The following TTLL11 variants were observed in gnomAD, a reference collection of about 807,000 sequenced individuals.
TTLL11 encodes tubulin polyglutamylase TTLL11.
TTLL11 carries 42 observed loss-of-function variants against 51.7 expected under a neutral mutation model. The observed-to-expected ratio is 0.81, with a 90% CI of 0.64 to 1.05. The LOEUF is 1.05. Among genes scored for constraint, TTLL11 ranks in the 50% least tolerant of loss-of-function variants. TTLL11 has a pLI of 0.00. For missense variants in TTLL11, 799 were observed against 940.4 expected, an observed-to-expected ratio of 0.85 and a Z score of 1.97; for synonymous variants, 381 against 383.5, an observed-to-expected ratio of 0.99 and a Z score of 0.08.
At chr9:122,064,646 T>G (rs1845526353) in intron 1 of TTLL11, among the ~76,000 whole-genome samples, 1 of 152,196 alleles carries the variant, frequency 6.6e-6, no homozygotes, top group Non-Finnish European at 1.5e-5. Context: ...TGGTTTCTGC[T>G]TTTGTTGAGC....
chr9:122,052,389 C>A (rs1208779554), intron 1 of TTLL11, among the ~76,000 whole-genome samples: 1 of 152,340 alleles, frequency 6.6e-6, no homozygotes, highest in East Asian at 1.9e-4. Flanking sequence ...TTGGATGGGG[C>A]TGGTGGGGAA....
rs529510795 is a variant in TTLL11, at chr9:121,866,199, C to A, written c.1733+4298G>T. 7.9e-5 allele frequency among the ~76,000 whole-genome samples: 12 copies of A among 152,200 alleles called. No individual in the cohort carries two copies. The South Asian group carries it at 2.5e-3, about 32-fold the overall frequency. ...TTAATATTATTAATTCATAATGAAG[C>A]AAAATTTAAACCAAAGTGGAACAGA... On this transcript the variant is annotated intron_variant, in intron 7 of 8. Coordinates refer to ENST00000321582, the MANE Select transcript of TTLL11 (RefSeq NM_001139442.2).
intron 8 of TTLL11, among the ~76,000 whole-genome samples, chr9:121,836,870 C>A (rs1056846403): frequency 6.6e-6 from 1 of 152,174 alleles, no homozygotes; most frequent in Non-Finnish European, 1.5e-5. Context: ...AGTGAAGGTC[C>A]TGTTTCCCTC....
At chr9:121,851,413 G>A (rs1295511269) in intron 8 of TTLL11, among the ~76,000 whole-genome samples, 1 of 152,174 alleles carries the variant, frequency 6.6e-6, no homozygotes, top group Non-Finnish European at 1.5e-5. Flanking sequence ...TGTGTGCATG[G>A]GAATGGGAGA....
At chr9:121,976,178 T>A (rs1359348523) in intron 4 of TTLL11, among the ~76,000 whole-genome samples, 1 of 152,192 alleles carries the variant, frequency 6.6e-6, no homozygotes, top group African/African-American at 2.4e-5. Flanking sequence ...GTGACACCCC[T>A]GCACAGGTGG....
chr9:121,943,239 C>G (rs1395674169), intron 6 of TTLL11, among the ~76,000 whole-genome samples: 2 of 152,170 alleles, frequency 1.3e-5, no homozygotes, highest in Non-Finnish European at 2.9e-5. Context: ...GGACATGAGC[C>G]TGGTGACAGT....
intron 3 of TTLL11, among the ~76,000 whole-genome samples, chr9:122,005,669 A>C (rs1014275079): frequency 6.6e-6 from 1 of 152,238 alleles, no homozygotes; most frequent in Non-Finnish European, 1.5e-5. Context: ...ATTAAACATA[A>C]TTCTGGAATG....
chr9:121,978,793 C>T (rs1192810644), intron 4 of TTLL11, among the ~76,000 whole-genome samples: 1 of 152,146 alleles, frequency 6.6e-6, no homozygotes, highest in Non-Finnish European at 1.5e-5. Flanking sequence ...TACATCCTAA[C>T]AGCAGTGGTT....
chr9:121,928,616 A>G (rs1216584557), intron 6 of TTLL11, among the ~76,000 whole-genome samples: 2 of 151,758 alleles, frequency 1.3e-5, no homozygotes, highest in Non-Finnish European at 2.9e-5. Context: ...AATTTTTTGT[A>G]TTTTAGTAGA....
At position 121,853,522 on chromosome 9, in the gene TTLL11, TGAG is replaced by T. The variant is rs1282999426; in HGVS notation, c.1840+6812_1840+6814del. Reference sequence around the variant, plus strand: ...GCTGGAGTGAGTGTGAGGCTAGTGATGAGTGGGGATGCAGAGTGGACAGGGGTC... The same window carrying T: ...GCTGGAGTGAGTGTGAGGCTAGTGATTGGGGATGCAGAGTGGACAGGGGTC... On this transcript the variant is annotated intron_variant, in intron 8 of 8. Coordinates refer to ENST00000321582, the MANE Select transcript of TTLL11 (RefSeq NM_001139442.2). This position sits in a 1 kb window ranked among gnomAD's most constrained non-coding sequence, Gnocchi z 5.6. 2.0e-5 allele frequency among the ~76,000 whole-genome samples: 3 copies of T among 151,786 alleles called. No individual in the cohort carries two copies. The highest frequency in any genetic ancestry group is 4.4e-5 in the Non-Finnish European group (3 of 67,940).
Position 122,092,826 on chromosome 9 carries a change from T to A in TTLL11, c.323A>T (p.Lys108Met). 6.4e-7 allele frequency: 1 copy of A among 1,557,110 alleles called. No individual in the cohort carries two copies. Among genetic ancestry groups the A allele is most frequent in the Non-Finnish European group, 8.6e-7 (1 of 1,158,484 alleles). The change falls in exon 1 of 9, where the codon AAG becomes ATG. Residue 108 changes from lysine to methionine, a missense_variant. Physicochemically the swap from Lys to Met is moderately conservative, Grantham distance 95 (BLOSUM62 -1). Coordinates refer to ENST00000321582, the MANE Select transcript of TTLL11 (RefSeq NM_001139442.2). Reference protein sequence around the residue: ...GLCPHGKPRDKGRSCKRSSGH... With the variant: ...GLCPHGKPRDMGRSCKRSSGH... ...CGAGCTCCGCTTGCAGCTTCGGCCC[T>A]TGTCCCGGGGCTTCCCGTGCGGGCA... is the stretch of plus-strand genomic sequence containing the variant.
intron 1 of TTLL11, among the ~76,000 whole-genome samples, chr9:122,089,147 G>A (rs908025452): frequency 1.3e-5 from 2 of 151,982 alleles, no homozygotes; most frequent in Non-Finnish European, 2.9e-5. Context: ...TCCTCACTAT[G>A]CACCCATAAA....
intron 8 of TTLL11, among the ~76,000 whole-genome samples, chr9:121,834,829 G>GA (rs201992639): frequency 0.043 from 6,033 of 141,102 alleles, 142 homozygotes; most frequent in Middle Eastern, 0.098. Context: ...TCTGTCTCAG[G>GA]AAAAAAAAAA....
chr9:121,995,898 C>A lies in TTLL11; in HGVS notation c.694-6128G>T, dbSNP rs1843243900. Reference sequence around the variant, plus strand: ...ACTGGAGCACAGGTATCCGAACAGACCTCTCAAGCTCCGTGGTGAGCGCGG... The same window carrying A: ...ACTGGAGCACAGGTATCCGAACAGAACTCTCAAGCTCCGTGGTGAGCGCGG... On this transcript the variant is annotated intron_variant, in intron 3 of 8. Coordinates refer to ENST00000321582, the MANE Select transcript of TTLL11 (RefSeq NM_001139442.2). This position sits in a 1 kb window ranked among gnomAD's most constrained non-coding sequence, Gnocchi z 4.4. 1.3e-5 allele frequency among the ~76,000 whole-genome samples: 2 copies of A among 152,188 alleles called. No individual in the cohort carries two copies. The highest frequency in any genetic ancestry group is 2.9e-5 in the Non-Finnish European group (2 of 68,036).
intron 3 of TTLL11, among the ~76,000 whole-genome samples, chr9:122,014,887 A>T (rs554505496): frequency 1.1e-4 from 17 of 152,292 alleles, no homozygotes; most frequent in Admixed American, 3.3e-4. Context: ...TCTACCAGAA[A>T]TCCTGAGGGC....
intron 3 of TTLL11, among the ~76,000 whole-genome samples, chr9:122,007,371 A>C (rs1370848133): frequency 5.9e-5 from 9 of 151,686 alleles, no homozygotes; most frequent in Admixed American, 5.9e-4. Context: ...CGCCTGTAGG[A>C]GGCTGAGGCA....
intron 7 of TTLL11, among the ~76,000 whole-genome samples, chr9:121,862,492 A>G (rs1838042739): frequency 6.6e-6 from 1 of 152,112 alleles, no homozygotes; most frequent in Non-Finnish European, 1.5e-5. Flanking sequence ...CTCTAGATCT[A>G]GAGCCATCTC....
Position 122,092,766 on chromosome 9 carries a change from G to C in TTLL11, c.383C>G (p.Pro128Arg). ...HGSGENGSQR[P>R]VTVDSSKART... ...GGCCTTGGAGCTGTCCACGGTGACC[G>C]GCCGCTGGGAGCCGTTCTCGCCGGA... The change falls in exon 1 of 9, where the codon CCG becomes CGG. Residue 128 changes from proline to arginine, a missense_variant. Pro to Arg is a moderately radical substitution (Grantham distance 103). This residue lies in a region of TTLL11 where 468 missense variants were observed against 612.8 expected (regional missense o/e 0.76). Coordinates refer to ENST00000321582, the MANE Select transcript of TTLL11 (RefSeq NM_001139442.2). 2 of 1,538,514 alleles carry C rather than the reference G, an allele frequency of 1.3e-6. No individual in the cohort carries two copies. Among genetic ancestry groups the C allele is most frequent in the Non-Finnish European group, 8.7e-7 (1 of 1,147,970 alleles).
chr9:122,005,157 C>A (rs1346033786), intron 3 of TTLL11, among the ~76,000 whole-genome samples: 1 of 152,170 alleles, frequency 6.6e-6, no homozygotes, highest in African/African-American at 2.4e-5. Flanking sequence ...TAGTAAATTG[C>A]CCGTTTCTGA....
Sources: gnomAD v4.1 joint callset for allele counts (sites outside exome capture counted in the v4.1 genomes callset) on GRCh38, gnomAD v4.1.1 for gene constraint, gnomAD v4.1.1 regional missense constraint, Gnocchi (gnomAD v3.1) non-coding constraint, MANE v1.5 for transcripts, NCBI Gene and HGNC (gene_info 2026-07-23, HGNC 2026-07-21) for gene names.